The following OSBPL3 variants were observed in gnomAD, a reference collection of about 807,000 sequenced individuals.
OSBPL3 encodes oxysterol binding protein like 3, also known as oxysterol-binding protein-related protein 3.
OSBPL3 carries 65 observed loss-of-function variants against 120.1 expected under a neutral mutation model. That is an observed-to-expected ratio of 0.54 (90% CI 0.44 to 0.67). The LOEUF (loss-of-function observed/expected upper bound fraction) is 0.67. OSBPL3 is among the 30% of genes least tolerant of loss of function. The probability of loss-of-function intolerance (pLI) is 0.00; values close to 1 mark genes in which losing one functional copy is unlikely to be tolerated. For missense variants in OSBPL3, 1,004 were observed against 1,082.1 expected (o/e 0.93, Z 1.01); for synonymous variants, 416 against 402.6 (o/e 1.03, Z -0.40).
intron 12 of OSBPL3, 31 bp from the exon 13 acceptor site, chr7:24,842,444 C>T (rs763730199): frequency 1.3e-6 from 2 of 1,484,720 alleles, no homozygotes; most frequent in East Asian, 2.3e-5. Flanking sequence ...AAAATGTATA[C>T]ATTTAAAAAC....
At position 24,842,431 on chromosome 7, in the gene OSBPL3, C is replaced by A. The variant is rs765202864; in HGVS notation, c.1267-18G>T. On this transcript the variant is annotated intron_variant, in intron 12 of 22. Coordinates refer to ENST00000313367, the MANE Select transcript of OSBPL3 (RefSeq NM_015550.4). ...GAGTTTTCCTATTTGAAGAACAAAA[C>A]CAAAAATGTATACATTTAAAAACAT... The A allele has an allele frequency of 3.2e-6, 5 of 1,568,322 alleles. No homozygotes were observed. In the Admixed American group the frequency reaches 5.8e-5, roughly 18 times the overall value.
chr7:24,882,739 ATGT>A (rs1484650605), intron 2 of OSBPL3, among the ~76,000 whole-genome samples: 1 of 152,046 alleles, frequency 6.6e-6, no homozygotes, highest in Non-Finnish European at 1.5e-5. Context: ...CCTCACCAAC[ATGT>A]TGTTGTCTTT....
At chr7:24,928,470 C>A (rs774717178) in intron 1 of OSBPL3, among the ~76,000 whole-genome samples, 1 of 152,166 alleles carries the variant, frequency 6.6e-6, no homozygotes, top group African/African-American at 2.4e-5. Flanking sequence ...GGATTACAGG[C>A]ATCAGCCACC....
chr7:24,821,217 G>A lies in OSBPL3; in HGVS notation c.1885-979C>T, dbSNP rs1313793397. Among the ~76,000 whole-genome samples, 3 of 152,168 alleles carry A rather than the reference G, an allele frequency of 2.0e-5. No individual in the cohort carries two copies. The highest frequency in any genetic ancestry group is 7.2e-5 in the African/African-American group (3 of 41,432). On this transcript the variant is annotated intron_variant, in intron 16 of 22. Coordinates refer to ENST00000313367, the MANE Select transcript of OSBPL3 (RefSeq NM_015550.4). The surrounding 1 kb of genome is among the most constrained non-coding windows in gnomAD (Gnocchi z 5.5). ...AGCTCAAAGCCTGCACCTTATAAAC[G>A]AAGAGACTGAAACCAGAAAGATAAA...
chr7:24,821,013 G>C lies in OSBPL3; in HGVS notation c.1885-775C>G, dbSNP rs1361839314. Among the ~76,000 whole-genome samples the C allele has an allele frequency of 6.6e-6, 1 of 152,220 alleles. No homozygotes were observed. The highest frequency in any genetic ancestry group is 2.4e-5 in the African/African-American group (1 of 41,458). ...TATTCAGCAGTGAAGAGGCTGAAGAGAAAATGGCTCCTCCCTCTATTTCCT... is the reference window on the plus strand; with the variant it reads ...TATTCAGCAGTGAAGAGGCTGAAGACAAAATGGCTCCTCCCTCTATTTCCT... On this transcript the variant is annotated intron_variant, in intron 16 of 22. Transcript: ENST00000313367. This position sits in a 1 kb window ranked among gnomAD's most constrained non-coding sequence, Gnocchi z 5.5.
At chr7:24,910,731 T>C (rs1808699108) in intron 1 of OSBPL3, among the ~76,000 whole-genome samples, 1 of 152,078 alleles carries the variant, frequency 6.6e-6, no homozygotes, top group Non-Finnish European at 1.5e-5. Flanking sequence ...AGGGAAGAGC[T>C]CAGTGGGGCT....
In OSBPL3 at chr7:24,952,537, G is replaced by T. The variant is rs967511630; in HGVS notation, c.-150+27349C>A. Among the ~76,000 whole-genome samples, 1 of 152,170 alleles carries T rather than the reference G, an allele frequency of 6.6e-6. No individual in the cohort carries two copies. Among genetic ancestry groups the T allele is most frequent in the Admixed American group, 6.5e-5 (1 of 15,276 alleles). ...GAAATTGGATGAAATTTTAGATGTT[G>T]CTCTATAAATATGGAAAGATGCTCA... On this transcript the variant is annotated intron_variant, in intron 1 of 22. Coordinates refer to ENST00000313367, the MANE Select transcript of OSBPL3 (RefSeq NM_015550.4). The surrounding 1 kb of genome is among the most constrained non-coding windows in gnomAD (Gnocchi z 4.4).
rs17150644 is a variant in OSBPL3 at position 24,970,462 on chromosome 7, C to G, written c.-150+9424G>C. Among the ~76,000 whole-genome samples the G allele has an allele frequency of 9.6e-3, 1,456 of 152,278 alleles. 32 individuals are homozygous for G. The highest frequency in any genetic ancestry group is 0.034 in the African/African-American group (1,401 of 41,528). ...TGCCCTTCAAGATGTGTCTCAAACA[C>G]TCAACTTCTCTGCAAAAGCATCTCC... On this transcript the variant is annotated intron_variant, in intron 1 of 22. Transcript: ENST00000313367.
At chr7:24,971,307 G>A (rs879436836) in intron 1 of OSBPL3, among the ~76,000 whole-genome samples, 1 of 152,216 alleles carries the variant, frequency 6.6e-6, no homozygotes, top group East Asian at 1.9e-4. Context: ...GGGTTCTTTG[G>A]GTGGAAGCAA....
At chr7:24,846,394 CCTA>C (rs1798451479) in intron 12 of OSBPL3, among the ~76,000 whole-genome samples, 1 of 152,174 alleles carries the variant, frequency 6.6e-6, no homozygotes, top group East Asian at 1.9e-4. Context: ...ACTATCACCA[CCTA>C]CTTCATAGAG....
At position 24,819,884 on chromosome 7, in the gene OSBPL3, C is replaced by T. The variant is rs1794909108; in HGVS notation, c.1948+291G>A. Among the ~76,000 whole-genome samples, 1 of 152,104 alleles carries T rather than the reference C, an allele frequency of 6.6e-6. No homozygotes were observed. Among genetic ancestry groups the T allele is most frequent in the Admixed American group, 6.5e-5 (1 of 15,272 alleles). ...TTAAGTTTGACAAAAGCTGAAAACC[C>T]CTCTGCTGTCTACACTCTGATAAAC... is the stretch of plus-strand genomic sequence containing the variant. On this transcript the variant is annotated intron_variant, in intron 17 of 22. Transcript: ENST00000313367. This position sits in a 1 kb window ranked among gnomAD's most constrained non-coding sequence, Gnocchi z 4.1.
intron 1 of OSBPL3, among the ~76,000 whole-genome samples, chr7:24,969,871 G>A (rs989279419): frequency 3.3e-5 from 5 of 152,002 alleles, no homozygotes; most frequent in Admixed American, 1.3e-4. Context: ...AGCTCTTACC[G>A]TGTCACCTCC....
rs1254795882 is a variant in OSBPL3, at chr7:24,827,653, A to G, written c.1884+3115T>C. 6.6e-6 allele frequency among the ~76,000 whole-genome samples: 1 copy of G among 152,230 alleles called. No individual in the cohort carries two copies. Among genetic ancestry groups the G allele is most frequent in the East Asian group, 1.9e-4 (1 of 5,202 alleles). Reference sequence around the variant, plus strand: ...AGTAGCATTCTAGTTTATATACATCAGTCTCTTGTAAGCTTAGTGTGAATT... The same window carrying G: ...AGTAGCATTCTAGTTTATATACATCGGTCTCTTGTAAGCTTAGTGTGAATT... On this transcript the variant is annotated intron_variant, in intron 16 of 22. Coordinates refer to ENST00000313367, the MANE Select transcript of OSBPL3 (RefSeq NM_015550.4). The surrounding 1 kb of genome is among the most constrained non-coding windows in gnomAD (Gnocchi z 5.1).
Position 24,872,123 on chromosome 7 carries a change from T to A in OSBPL3, c.97-54A>T. The A allele has an allele frequency of 1.6e-6, 2 of 1,245,598 alleles. No homozygotes were observed. The highest frequency in any genetic ancestry group is 2.4e-5 in the South Asian group (2 of 82,914). The allele number at this position is 1,245,598 out of a possible 1,614,324, so 77.2% of individuals were successfully genotyped here. ...TGTCTATCTTTTTGAAAAATAATAA[T>A]GGTAAAAAGCACTGCATCCTGTCAG... On this transcript the variant is annotated intron_variant, in intron 2 of 22. Transcript: ENST00000313367. This position sits in a 1 kb window ranked among gnomAD's most constrained non-coding sequence, Gnocchi z 4.1.
chr7:24,975,499 C>CT (rs1285517415), intron 1 of OSBPL3, among the ~76,000 whole-genome samples: 1 of 152,162 alleles, frequency 6.6e-6, no homozygotes, highest in Admixed American at 6.5e-5. Flanking sequence ...ACAGAATACT[C>CT]TAACAAAATT....
chr7:24,846,312 T>C (rs1798442636), intron 12 of OSBPL3, among the ~76,000 whole-genome samples: 1 of 152,224 alleles, frequency 6.6e-6, no homozygotes, highest in Non-Finnish European at 1.5e-5. Context: ...CAGCTCTGTC[T>C]ATTACAAGCT....
chr7:24,886,695 T>C (rs954823349), intron 2 of OSBPL3, among the ~76,000 whole-genome samples: 2 of 152,232 alleles, frequency 1.3e-5, no homozygotes, highest in African/African-American at 2.4e-5. Flanking sequence ...ATATACTTTT[T>C]TAACCAATGA....
intron 18 of OSBPL3, 95 bp downstream of exon 18, chr7:24,816,515 G>GC (rs1794487734): frequency 1.3e-6 from 1 of 780,172 alleles, no homozygotes; most frequent in Admixed American, 1.9e-5. Context: ...CACACTCAAT[G>GC]CAACTGCCGG....
At chr7:24,904,795 A>T (rs1422015721) in intron 1 of OSBPL3, among the ~76,000 whole-genome samples, 3 of 152,122 alleles carry the variant, frequency 2.0e-5, no homozygotes, top group Non-Finnish European at 4.4e-5. Context: ...GATATTTAAA[A>T]TAATCAAATT....
Sources: allele counts gnomAD v4.1 joint callset (sites outside exome capture counted in the v4.1 genomes callset), GRCh38; gene constraint gnomAD v4.1.1; non-coding constraint Gnocchi (gnomAD v3.1); transcripts MANE v1.5; gene names NCBI Gene and HGNC (gene_info 2026-07-23, HGNC 2026-07-21).